ARID1B: variants seen among roughly 807,000 people sequenced by gnomAD.
ARID1B encodes the protein AT-rich interaction domain 1B, also known as AT-rich interactive domain-containing protein 1B.
A neutral mutation model predicts 212.3 loss-of-function variants in ARID1B; 30 were observed. That is an observed-to-expected ratio of 0.14 (90% CI 0.11 to 0.19). The LOEUF (loss-of-function observed/expected upper bound fraction) is 0.19. Among genes scored for constraint, ARID1B ranks in the 10% least tolerant of loss-of-function variants. The pLI, the probability that ARID1B is intolerant of heterozygous loss-of-function variation, is 1.00. For missense variants in ARID1B, 2,891 were observed against 3,204.0 expected, an observed-to-expected ratio of 0.90 and a Z score of 2.36; for synonymous variants, 1,402 against 1,301.7, an observed-to-expected ratio of 1.08 and a Z score of -1.66.
At chr6:157,155,253 C>T (rs966419157) in intron 8 of ARID1B, among the ~76,000 whole-genome samples, 1 of 152,108 alleles carries the variant, frequency 6.6e-6, no homozygotes, top group Non-Finnish European at 1.5e-5. Flanking sequence ...ACCAACACTG[C>T]TTTGGCATTT....
chr6:157,011,678 G>C (rs995100848), intron 4 of ARID1B, among the ~76,000 whole-genome samples: 1 of 152,148 alleles, frequency 6.6e-6, no homozygotes, highest in Non-Finnish European at 1.5e-5. Flanking sequence ...TTTGTATAGT[G>C]TTAATGTGAA....
At chr6:157,019,513 G>T (rs1780101361) in intron 4 of ARID1B, among the ~76,000 whole-genome samples, 1 of 152,192 alleles carries the variant, frequency 6.6e-6, no homozygotes, top group African/African-American at 2.4e-5. Flanking sequence ...AGTGTTACCT[G>T]AGTCCATGTT....
intron 1 of ARID1B, chr6:156,780,360 C>A (rs1057350790): frequency 4.6e-5 from 7 of 152,190 alleles, no homozygotes; most frequent in African/African-American, 1.7e-4. Context: ...TTTGGATTTT[C>A]TTTATTTTGC....
At chr6:156,888,687 G>A (rs377406899) in intron 2 of ARID1B, among the ~76,000 whole-genome samples, 8 of 152,256 alleles carry the variant, frequency 5.3e-5, no homozygotes, top group African/African-American at 1.4e-4. Flanking sequence ...CCAAATCCCC[G>A]TGAGGCAAGG....
At chr6:157,166,261 C>T (rs1282373017) in intron 8 of ARID1B, 1 of 152,184 alleles carries the variant, frequency 6.6e-6, no homozygotes, top group South Asian at 2.1e-4. Context: ...TCAGAGAATA[C>T]TCTTGACCTC....
intron 7 of ARID1B, among the ~76,000 whole-genome samples, chr6:157,135,286 C>T (rs1197082477): frequency 3.3e-5 from 5 of 152,184 alleles, no homozygotes; most frequent in Non-Finnish European, 7.4e-5. Flanking sequence ...GCTTCCACTT[C>T]TAATGTTCTA....
intron 4 of ARID1B, among the ~76,000 whole-genome samples, chr6:157,009,036 G>T (rs185210229): frequency 5.9e-5 from 9 of 152,068 alleles, no homozygotes; most frequent in African/African-American, 1.7e-4. Context: ...TAAAATAATC[G>T]GCTTCTTTGT....
intron 2 of ARID1B, among the ~76,000 whole-genome samples, chr6:156,887,013 A>G (rs537252329): frequency 2.6e-5 from 4 of 152,212 alleles, no homozygotes; most frequent in Non-Finnish European, 5.9e-5. Flanking sequence ...GGGAGGAATC[A>G]TTGCTTTGTG....
In ARID1B at chr6:157,127,800, AAAAAAAC is replaced by A. The variant is rs1299288455; in HGVS notation, c.2582-5222_2582-5216del. Among the ~76,000 whole-genome samples the A allele has an allele frequency of 3.5e-3, 522 of 149,712 alleles. 3 individuals carry two copies. The highest frequency in any genetic ancestry group is 0.012 in the African/African-American group (492 of 40,226). On this transcript the variant is annotated intron_variant, in intron 6 of 19. Coordinates refer to ENST00000636930, the MANE Select transcript of ARID1B (RefSeq NM_001374828.1). ...CTCTGTCTCAAAAAAAAAAAAAAAA[AAAAAAAC>A]AAAAATTAGCCAGGCATGGTGGTGC...
chr6:156,969,741 G>T (rs1776788702), intron 4 of ARID1B, among the ~76,000 whole-genome samples: 1 of 152,156 alleles, frequency 6.6e-6, no homozygotes, highest in Non-Finnish European at 1.5e-5. Context: ...GGGGAACTTA[G>T]ACTCTGGAAC....
intron 2 of ARID1B, among the ~76,000 whole-genome samples, chr6:156,833,602 T>A (rs1031895918): frequency 2.0e-5 from 3 of 152,184 alleles, no homozygotes; most frequent in Admixed American, 6.5e-5. Flanking sequence ...AAAACATGAC[T>A]TTTTTAGTTT....
At chr6:157,014,788 T>C (rs745387231) in intron 4 of ARID1B, among the ~76,000 whole-genome samples, 18 of 152,084 alleles carry the variant, frequency 1.2e-4, no homozygotes, top group Admixed American at 2.6e-4. Flanking sequence ...CTAGAGCCAT[T>C]AAATTTCCTT....
chr6:156,870,090 T>C (rs1786004322), intron 2 of ARID1B: 1 of 152,164 alleles, frequency 6.6e-6, no homozygotes, highest in African/African-American at 2.4e-5. Flanking sequence ...GATGGTCCGG[T>C]TTGTTCAGGA....
intron 4 of ARID1B, among the ~76,000 whole-genome samples, chr6:157,044,121 C>T (rs1038988948): frequency 2.2e-4 from 33 of 152,222 alleles, no homozygotes; most frequent in Admixed American, 1.7e-3. Flanking sequence ...GTATGCTTTT[C>T]TGTTGTTTAA....
At chr6:156,840,336 C>G (rs879563988) in intron 2 of ARID1B, among the ~76,000 whole-genome samples, 32 of 152,256 alleles carry the variant, frequency 2.1e-4, no homozygotes, top group Admixed American at 2.0e-3. Flanking sequence ...CTGCCCTGTT[C>G]TGTTTTCTCC....
intron 4 of ARID1B, among the ~76,000 whole-genome samples, chr6:157,050,878 C>G (rs1313149312): frequency 4.6e-5 from 7 of 152,140 alleles, no homozygotes; most frequent in Admixed American, 3.9e-4. Flanking sequence ...AAATATTTCC[C>G]ATTCACACAT....
intron 4 of ARID1B, among the ~76,000 whole-genome samples, chr6:157,058,003 G>T (rs961238681): frequency 6.6e-6 from 1 of 152,072 alleles, no homozygotes; most frequent in Non-Finnish European, 1.5e-5. Context: ...GGATGCACCC[G>T]TTTTTGGGAA....
rs147371203 is a variant in ARID1B at position 157,076,448 on chromosome 6, A to T, written c.2248-8214A>T. Among the ~76,000 whole-genome samples the T allele has an allele frequency of 3.7e-3, 565 of 151,822 alleles. 4 individuals carry two copies. Among genetic ancestry groups the T allele is most frequent in the African/African-American group, 0.011 (474 of 41,470 alleles). On this transcript the variant is annotated intron_variant, in intron 4 of 19. Transcript: ENST00000636930. ...AGCAATATTCCTGCCTAATTTTTTT[A>T]AAGTTGCTAATTTATTTACAGTTCC...
chr6:156,911,392 C>T (rs1789879356), intron 3 of ARID1B, among the ~76,000 whole-genome samples: 1 of 134,580 alleles, frequency 7.4e-6, no homozygotes, highest in African/African-American at 2.8e-5. Context: ...AACTTTGGCA[C>T]TTTTGAAAGT....
Sources: gnomAD v4.1 joint callset for allele counts (sites outside exome capture counted in the v4.1 genomes callset) on GRCh38, gnomAD v4.1.1 for gene constraint, MANE v1.5 for transcripts, NCBI Gene and HGNC (gene_info 2026-07-23, HGNC 2026-07-21) for gene names.